Variants in CENPP observed in about 807,000 individuals in gnomAD.
CENPP encodes centromere protein P.
A neutral mutation model predicts 35.6 loss-of-function variants in CENPP; 24 were observed. That is an observed-to-expected ratio of 0.67 (90% CI 0.49 to 0.95). CENPP has a LOEUF of 0.95. Ranked by LOEUF, CENPP falls within the 40% of genes least tolerant of loss-of-function variation. The probability of loss-of-function intolerance (pLI) is 0.00; values close to 1 mark genes in which losing one functional copy is unlikely to be tolerated. For missense variants in CENPP, 332 were observed against 345.3 expected, an observed-to-expected ratio of 0.96 and a Z score of 0.31; for synonymous variants, 120 against 125.5, an observed-to-expected ratio of 0.96 and a Z score of 0.29.
chr9:92,389,024 T>C (rs1251434594), intron 5 of CENPP, among the ~76,000 whole-genome samples: 1 of 152,154 alleles, frequency 6.6e-6, no homozygotes, highest in Admixed American at 6.5e-5. Context: ...TAACAGATTG[T>C]ACATTTTTTG....
chr9:92,440,957 T>C (rs1234570273), intron 5 of CENPP, among the ~76,000 whole-genome samples: 2 of 152,220 alleles, frequency 1.3e-5, no homozygotes, highest in Non-Finnish European at 2.9e-5. Flanking sequence ...AATTTTACCA[T>C]AGGCTAATTG....
chr9:92,522,673 G>T lies in CENPP; in HGVS notation c.565-88641G>T, dbSNP rs1458940183. The T allele has an allele frequency of 1.9e-6, 3 of 1,614,062 alleles. No homozygotes were observed. The Admixed American group carries it at 5.0e-5, about 27-fold the overall frequency. On this transcript the variant is annotated intron_variant, in intron 5 of 7. Coordinates refer to ENST00000375587, the MANE Select transcript of CENPP (RefSeq NM_001012267.3). Reference sequence around the variant, plus strand: ...ATCAAAGTTAACAATAGGAAGTCTTGCTACTGGTGTAAAAACTGTTGTTTG... The same window carrying T: ...ATCAAAGTTAACAATAGGAAGTCTTTCTACTGGTGTAAAAACTGTTGTTTG...
intron 4 of CENPP, among the ~76,000 whole-genome samples, chr9:92,365,561 C>A (rs954706466): frequency 2.0e-5 from 3 of 151,760 alleles, no homozygotes; most frequent in African/African-American, 7.3e-5. Context: ...CAGGCATCCA[C>A]CACCACGCCC....
chr9:92,538,643 CA>C (rs1283831993), intron 5 of CENPP, among the ~76,000 whole-genome samples: 2 of 152,192 alleles, frequency 1.3e-5, no homozygotes, highest in African/African-American at 4.8e-5. Context: ...TGGACTGTTA[CA>C]TGAGTCCTTT....
intron 3 of CENPP, among the ~76,000 whole-genome samples, chr9:92,344,843 C>T (rs1841237226): frequency 1.3e-5 from 2 of 150,786 alleles, no homozygotes; most frequent in African/African-American, 4.9e-5. Context: ...CCACCGCGCC[C>T]GGCCAGTCTT....
chr9:92,384,020 G>A (rs761967168), intron 5 of CENPP: 2 of 152,128 alleles, frequency 1.3e-5, no homozygotes, highest in Non-Finnish European at 2.9e-5. Context: ...CAATTCAAAT[G>A]TACTCACTAT....
chr9:92,372,900 CTGAT>C (rs1453122342), intron 4 of CENPP, among the ~76,000 whole-genome samples: 2 of 151,692 alleles, frequency 1.3e-5, no homozygotes, highest in Non-Finnish European at 2.9e-5. Context: ...TTTAGACAGT[CTGAT>C]TGTAATGTGC....
chr9:92,572,430 T>G (rs917931911), intron 5 of CENPP, among the ~76,000 whole-genome samples: 66 of 152,216 alleles, frequency 4.3e-4, no homozygotes, highest in African/African-American at 1.5e-3. Flanking sequence ...ACTCTCTTCT[T>G]GCTTGTAGAG....
chr9:92,563,541 C>T (rs938852129), intron 5 of CENPP, among the ~76,000 whole-genome samples: 1 of 152,122 alleles, frequency 6.6e-6, no homozygotes, highest in Non-Finnish European at 1.5e-5. Context: ...TCTGTGATTG[C>T]AGAAATGTGA....
rs540954943 is a variant in CENPP at position 92,600,880 on chromosome 9, CCT to C, written c.565-10433_565-10432del. Among the ~76,000 whole-genome samples the C allele has an allele frequency of 3.9e-5, 6 of 152,294 alleles. No individual in the cohort carries two copies. The East Asian group carries it at 1.2e-3, about 29-fold the overall frequency. Reference sequence around the variant, plus strand: ...ATGGTCTTGTGGATGGTGCAGGTCCCCTGAGGGGTCCTTCCTGGACACCCATG... The same window carrying C: ...ATGGTCTTGTGGATGGTGCAGGTCCCGAGGGGTCCTTCCTGGACACCCATG... On this transcript the variant is annotated intron_variant, in intron 5 of 7. Coordinates refer to ENST00000375587, the MANE Select transcript of CENPP (RefSeq NM_001012267.3).
At chr9:92,518,814 A>G (rs1056533977) in intron 5 of CENPP, among the ~76,000 whole-genome samples, 5 of 152,152 alleles carry the variant, frequency 3.3e-5, no homozygotes, top group African/African-American at 1.2e-4. Context: ...GCTTGAACCC[A>G]GGAGGTGGAG....
At chr9:92,382,767 A>G (rs141842634) in intron 5 of CENPP, among the ~76,000 whole-genome samples, 90 of 152,116 alleles carry the variant, frequency 5.9e-4, no homozygotes, top group Admixed American at 1.6e-3. Context: ...GGCGTTCTCC[A>G]CTGAATGGTC....
chr9:92,561,599 C>A (rs73522382), intron 5 of CENPP, among the ~76,000 whole-genome samples: 3,132 of 152,288 alleles, frequency 0.021, 114 homozygotes, highest in African/African-American at 0.071. Flanking sequence ...AATTTGTCTT[C>A]ATAAAAACTA....
chr9:92,537,388 C>T (rs1363615350), intron 5 of CENPP, among the ~76,000 whole-genome samples: 3 of 152,050 alleles, frequency 2.0e-5, no homozygotes, highest in Non-Finnish European at 4.4e-5. Context: ...TAGCTGAGTG[C>T]AGTGGCTCAC....
chr9:92,437,859 AAGTGATCCTCCCACCTCAGCCTCC>A (rs915745883), intron 5 of CENPP, among the ~76,000 whole-genome samples: 12 of 151,940 alleles, frequency 7.9e-5, no homozygotes, highest in East Asian at 3.9e-4. Context: ...TTCCAGGCTC[AAGTGATCCTCCCACCTCAGCCTCC>A]AGTGATCCTC....
At chr9:92,388,657 A>G (rs1215153866) in intron 5 of CENPP, among the ~76,000 whole-genome samples, 1 of 151,476 alleles carries the variant, frequency 6.6e-6, no homozygotes, top group Non-Finnish European at 1.5e-5. Context: ...CCTGGCCAAC[A>G]CCCATCTCTA....
At chr9:92,546,046 G>C (rs987263174) in intron 5 of CENPP, among the ~76,000 whole-genome samples, 2 of 151,788 alleles carry the variant, frequency 1.3e-5, no homozygotes, top group African/African-American at 4.8e-5. Context: ...GTCTAGCTCA[G>C]GGTTTGCAAA....
At chr9:92,373,271 T>A (rs76741658) in intron 4 of CENPP, among the ~76,000 whole-genome samples, 5,133 of 151,542 alleles carry the variant, frequency 0.034, 117 homozygotes, top group South Asian at 0.089. Context: ...TATTTAAAAA[T>A]ATATATATAT....
At chr9:92,535,466 A>G (rs1047028041) in intron 5 of CENPP, among the ~76,000 whole-genome samples, 1 of 152,164 alleles carries the variant, frequency 6.6e-6, no homozygotes, top group Non-Finnish European at 1.5e-5. Context: ...AATATTATTT[A>G]TAAACCTTGA....
Sources: allele counts gnomAD v4.1 joint callset (sites outside exome capture counted in the v4.1 genomes callset), GRCh38; gene constraint gnomAD v4.1.1; transcripts MANE v1.5; gene names NCBI Gene and HGNC (gene_info 2026-07-23, HGNC 2026-07-21).